The following TMEM265 variants were observed in gnomAD, a reference collection of about 807,000 sequenced individuals.
TMEM265 encodes the protein transmembrane protein 265.
TMEM265 carries 8 observed loss-of-function variants against 9.5 expected under a neutral mutation model. The observed-to-expected ratio is 0.84, with a 90% confidence interval of 0.49 to 1.52. The LOEUF (loss-of-function observed/expected upper bound fraction) is 1.52. Among genes scored for constraint, TMEM265 ranks in the 40% most tolerant of loss-of-function variants. The probability of loss-of-function intolerance (pLI) is 0.00; values close to 1 mark genes in which losing one functional copy is unlikely to be tolerated. For synonymous variants in TMEM265, 53 were observed against 56.9 expected, an observed-to-expected ratio of 0.93 and a Z score of 0.31; for missense variants, 152 against 146.2, an observed-to-expected ratio of 1.04 and a Z score of -0.21.
intron 2 of TMEM265, among the ~76,000 whole-genome samples, chr16:30,742,324 A>AT (rs2151302816): frequency 6.6e-6 from 1 of 152,296 alleles, no homozygotes; most frequent in African/African-American, 2.4e-5. Flanking sequence ...CCTGTGGAGC[A>AT]TGACTGGACC....
At position 30,743,952 on chromosome 16, in the gene TMEM265, G is replaced by T; in HGVS notation, c.*9G>T. 6.5e-7 allele frequency: 1 copy of T among 1,531,682 alleles called. No homozygotes were observed. Among genetic ancestry groups the T allele is most frequent in the Non-Finnish European group, 8.7e-7 (1 of 1,145,278 alleles). 94.9% of individuals were successfully genotyped at this position (1,531,682 alleles called of 1,614,324 possible). ...TCGCTCAGGCTGAGTGACCCTGGAT[G>T]GCCTCTGCTGAGAGCCAGCCGAGAC... On this transcript the variant is annotated 3_prime_UTR_variant, in exon 3 of 3. Coordinates refer to ENST00000615541, the MANE Select transcript of TMEM265 (RefSeq NM_001256829.2).
intron 2 of TMEM265, among the ~76,000 whole-genome samples, chr16:30,742,907 A>G (rs1276446681): frequency 1.4e-5 from 2 of 141,420 alleles, no homozygotes; most frequent in Non-Finnish European, 3.1e-5. Flanking sequence ...GCCTGGTGAC[A>G]AAGCAAGACT....
chr16:30,741,939 G>T (rs772942812), intron 2 of TMEM265, 31 bp downstream of exon 2: 1 of 1,529,448 alleles, frequency 6.5e-7, no homozygotes, highest in Non-Finnish European at 8.7e-7. Context: ...GGGAATGGGG[G>T]TGGGTATAAG....
At position 30,741,728 on chromosome 16, in the gene TMEM265, C is replaced by CT; in HGVS notation, c.-3-12dup. The CT allele has an allele frequency of 1.3e-6, 2 of 1,530,460 alleles. No individual in the cohort carries two copies. Among genetic ancestry groups the CT allele is most frequent in the East Asian group, 4.9e-5 (2 of 40,852 alleles). 94.8% of individuals were successfully genotyped at this position (1,530,460 alleles called of 1,614,324 possible). A position where few individuals can be genotyped will look rare whatever the true frequency, so the allele number is the denominator to read the frequency against. ...GTTGTTGGGCTCACAAGTACCTTGA[C>CT]TATCGCCCACAGGTGATGGAGGACG... On this transcript the variant is annotated splice_polypyrimidine_tract_variant and intron_variant, in intron 1 of 2. Transcript: ENST00000615541.
chr16:30,743,950 A>C lies in TMEM265; in HGVS notation c.*7A>C. ...CATCGCTCAGGCTGAGTGACCCTGG[A>C]TGGCCTCTGCTGAGAGCCAGCCGAG... is the stretch of plus-strand genomic sequence containing the variant. On this transcript the variant is annotated 3_prime_UTR_variant, in exon 3 of 3. Transcript: ENST00000615541. 1 of 1,532,726 alleles carries C rather than the reference A, an allele frequency of 6.5e-7. No individual in the cohort carries two copies. Among genetic ancestry groups the C allele is most frequent in the Non-Finnish European group, 8.7e-7 (1 of 1,146,006 alleles). The allele number at this position is 1,532,726 out of a possible 1,614,324, so 94.9% of individuals were successfully genotyped here. A position where few individuals can be genotyped will look rare whatever the true frequency, so the allele number is the denominator to read the frequency against.
In TMEM265 at chr16:30,744,900, T is replaced by G. The variant is rs541694425; in HGVS notation, c.*957T>G. On this transcript the variant is annotated 3_prime_UTR_variant, in exon 3 of 3. Coordinates refer to ENST00000615541, the MANE Select transcript of TMEM265 (RefSeq NM_001256829.2). Reference sequence around the variant, plus strand: ...TCTTGGACCTCATAATATTTCAAATTTTTTTTAAAATTATGAAGTATATCA... The same window carrying G: ...TCTTGGACCTCATAATATTTCAAATGTTTTTTAAAATTATGAAGTATATCA... 1 of 152,322 alleles carries G rather than the reference T, an allele frequency of 6.6e-6. No homozygotes were observed. The highest frequency in any genetic ancestry group is 1.9e-4 in the East Asian group (1 of 5,190). The allele number at this position is 152,322 out of a possible 1,614,324, so 9.4% of individuals were successfully genotyped here.
chr16:30,743,791 CG>C lies in TMEM265; in HGVS notation c.177del (p.His60IlefsTer71). 1 of 1,528,224 alleles carries C rather than the reference CG, an allele frequency of 6.5e-7. No individual in the cohort carries two copies. Among genetic ancestry groups the C allele is most frequent in the African/African-American group, 1.4e-5 (1 of 72,936 alleles). 94.7% of individuals were successfully genotyped at this position (1,528,224 alleles called of 1,614,324 possible). A position where few individuals can be genotyped will look rare whatever the true frequency, so the allele number is the denominator to read the frequency against. On this transcript the variant is annotated frameshift_variant, in exon 3 of 3. Coordinates refer to ENST00000615541, the MANE Select transcript of TMEM265 (RefSeq NM_001256829.2). LOFTEE classifies it high-confidence loss of function. ...ALVFAIKAEE[R>X]HKAGRSEEAV... Reference sequence around the variant, plus strand: ...GAACCTGCCCCCACAGGCGGAAGAGCGGCATAAAGCAGGCCGGTCCGAGGAG... The same window carrying C: ...GAACCTGCCCCCACAGGCGGAAGAGCGCATAAAGCAGGCCGGTCCGAGGAG...
At position 30,741,794 on chromosome 16, in the gene TMEM265, T is replaced by TCATCCTC. The variant is rs1276587872; in HGVS notation, c.57_63dup (p.Pro22SerfsTer18). On this transcript the variant is annotated frameshift_variant, in exon 2 of 3. Coordinates refer to ENST00000615541, the MANE Select transcript of TMEM265 (RefSeq NM_001256829.2). LOFTEE classifies it high-confidence loss of function. ...AGATCTTGGGCAACACGGAAGCTGC[T>TCATCCTC]CATCCTCCATCCCCCATCCGCTGCT... 3.3e-6 allele frequency: 5 copies of TCATCCTC among 1,531,384 alleles called. No individual in the cohort carries two copies. The Admixed American group carries it at 7.9e-5, about 24-fold the overall frequency. The allele number at this position is 1,531,384 out of a possible 1,614,324, so 94.9% of individuals were successfully genotyped here.
At chr16:30,743,554 T>C (rs1468794231) in intron 2 of TMEM265, among the ~76,000 whole-genome samples, 1 of 152,204 alleles carries the variant, frequency 6.6e-6, no homozygotes, top group Non-Finnish European at 1.5e-5. Flanking sequence ...TGGAAAGTAC[T>C]TTCCCATAGG....
Position 30,740,682 on chromosome 16 carries a change from C to CA in TMEM265, c.-28dup, listed in dbSNP as rs1555466268. On this transcript the variant is annotated 5_prime_UTR_variant, in exon 1 of 3. Transcript: ENST00000615541. The stretch of plus-strand genomic sequence containing the variant: ...CAAAGCTGAGGCAGGAGCCGAAACT[C>CA]AGAGTCCTTCAAGGCCTATAGCCAG... 3.3e-5 allele frequency: 5 copies of CA among 152,194 alleles called. No homozygotes were observed. Among genetic ancestry groups the CA allele is most frequent in the African/African-American group, 9.7e-5 (4 of 41,448 alleles). 9.4% of individuals were successfully genotyped at this position (152,194 alleles called of 1,614,324 possible).
chr16:30,743,221 T>C (rs547936971), intron 2 of TMEM265, among the ~76,000 whole-genome samples: 1 of 152,104 alleles, frequency 6.6e-6, no homozygotes, highest in African/African-American at 2.4e-5. Context: ...ACCCCGTCTC[T>C]ACTAAAAATA....
intron 2 of TMEM265, among the ~76,000 whole-genome samples, chr16:30,743,294 G>A (rs552242299): frequency 2.0e-5 from 3 of 151,996 alleles, no homozygotes; most frequent in South Asian, 2.1e-4. Flanking sequence ...GCTGAGACAC[G>A]AGAATTGCTT....
rs2053244757 is a variant in TMEM265, at chr16:30,744,528, T to C, written c.*585T>C. The stretch of plus-strand genomic sequence containing the variant: ...TGCTACTATTTATTACTTACTATAT[T>C]CCAGGCTGTGTTCTAAGCACTTTAT... On this transcript the variant is annotated 3_prime_UTR_variant, in exon 3 of 3. Coordinates refer to ENST00000615541, the MANE Select transcript of TMEM265 (RefSeq NM_001256829.2). The C allele has an allele frequency of 6.6e-6, 1 of 152,196 alleles. No individual in the cohort carries two copies. The highest frequency in any genetic ancestry group is 2.4e-5 in the African/African-American group (1 of 41,438). The allele number at this position is 152,196 out of a possible 1,614,324, so 9.4% of individuals were successfully genotyped here.
chr16:30,742,151 A>AGT (rs1185251551), intron 2 of TMEM265, among the ~76,000 whole-genome samples: 3 of 152,236 alleles, frequency 2.0e-5, no homozygotes, highest in African/African-American at 7.2e-5. Context: ...AGCACAGGAC[A>AGT]GTGTGGGAGC....
chr16:30,742,055 G>A lies in TMEM265; in HGVS notation c.165+147G>A, dbSNP rs1057502257. ...TAAGAATAAGACAGGGTTCCTTGTCGTCAGAGGACCCATAATCTAATGAAA... is the reference window on the plus strand; with the variant it reads ...TAAGAATAAGACAGGGTTCCTTGTCATCAGAGGACCCATAATCTAATGAAA... On this transcript the variant is annotated intron_variant, in intron 2 of 2. Transcript: ENST00000615541. The A allele has an allele frequency of 3.0e-4, 260 of 865,324 alleles. No individual in the cohort carries two copies. The African/African-American group carries it at 3.8e-3, about 13-fold the overall frequency. 53.6% of individuals were successfully genotyped at this position (865,324 alleles called of 1,614,324 possible). A position where few individuals can be genotyped will look rare whatever the true frequency, so the allele number is the denominator to read the frequency against.
rs932987912 is a variant in TMEM265, at chr16:30,743,972, C to T, written c.*29C>T. 2.8e-5 allele frequency: 42 copies of T among 1,525,516 alleles called. No individual in the cohort carries two copies. The highest frequency in any genetic ancestry group is 1.8e-4 in the Admixed American group (9 of 50,328). The allele number at this position is 1,525,516 out of a possible 1,614,324, so 94.5% of individuals were successfully genotyped here. ...TGGATGGCCTCTGCTGAGAGCCAGC[C>T]GAGACCTCCTGGATCCTGCAATGCG... is the stretch of plus-strand genomic sequence containing the variant. On this transcript the variant is annotated 3_prime_UTR_variant, in exon 3 of 3. Transcript: ENST00000615541.
intron 2 of TMEM265, 130 bp downstream of exon 2, chr16:30,742,038 A>C: frequency 2.9e-6 from 3 of 1,017,490 alleles, no homozygotes; most frequent in Non-Finnish European, 4.2e-6. Context: ...AATAAGAATA[A>C]GACAGGGTTC....
At position 30,741,849 on chromosome 16, in the gene TMEM265, A is replaced by G; in HGVS notation, c.106A>G (p.Thr36Ala). The G allele has an allele frequency of 6.5e-7, 1 of 1,533,962 alleles. No individual in the cohort carries two copies. The highest frequency in any genetic ancestry group is 8.7e-7 in the Non-Finnish European group (1 of 1,146,718). ...GCTCCGCCTCCGCTGCTTGGCAGCT[A>G]CTAGCATTATCTGTGGCTGCTCTTG... ...CWLRLRCLAA[T>A]SIICGCSCLG... The change falls in exon 2 of 3, where the codon ACT (threonine) becomes GCT (alanine). Residue 36 changes from threonine (T) to alanine (A), a missense_variant. By Grantham distance (58) the Thr-to-Ala change is moderately conservative (BLOSUM62 0). Transcript: ENST00000615541.
In TMEM265 at chr16:30,741,484, C is replaced by T. The variant is rs2053224749; in HGVS notation, c.-3-257C>T. 4 of 370,000 alleles carry T rather than the reference C, an allele frequency of 1.1e-5. No homozygotes were observed. The East Asian group carries it at 1.7e-4, about 15-fold the overall frequency. 22.9% of individuals were successfully genotyped at this position (370,000 alleles called of 1,614,324 possible). ...TGGCTTCTTCCCACTTGTTGAAACACTAAATAATACAGATAATGCCTTGTC... is the reference window on the plus strand; with the variant it reads ...TGGCTTCTTCCCACTTGTTGAAACATTAAATAATACAGATAATGCCTTGTC... On this transcript the variant is annotated intron_variant, in intron 1 of 2. Coordinates refer to ENST00000615541, the MANE Select transcript of TMEM265 (RefSeq NM_001256829.2).
Sources: allele counts gnomAD v4.1 joint callset (sites outside exome capture counted in the v4.1 genomes callset), GRCh38; gene constraint gnomAD v4.1.1; transcripts MANE v1.5; gene names NCBI Gene and HGNC (gene_info 2026-07-23, HGNC 2026-07-21).